The following THBS3 variants were observed in gnomAD, a reference collection of about 807,000 sequenced individuals.
THBS3 encodes thrombospondin 3.
THBS3 carries 78 observed loss-of-function variants against 118.3 expected under a neutral mutation model. The observed-to-expected ratio is 0.66, with a 90% confidence interval of 0.55 to 0.80. The LOEUF is 0.80. Among genes scored for constraint, THBS3 ranks in the 30% least tolerant of loss-of-function variants. The probability of loss-of-function intolerance (pLI) is 0.00; values close to 1 mark genes in which losing one functional copy is unlikely to be tolerated. For synonymous variants in THBS3, 427 were observed against 475.3 expected (o/e 0.90, Z 1.32); for missense variants, 1,057 against 1,247.4 (o/e 0.85, Z 2.30).
intron 16 of THBS3, 38 bp from the exon 17 acceptor site, chr1:155,198,640 G>C: frequency 6.3e-7 from 1 of 1,596,372 alleles, no homozygotes; most frequent in Non-Finnish European, 8.6e-7. Flanking sequence ...AGGATTTAAA[G>C]GTACTCCTTG....
At position 155,197,838 on chromosome 1, in the gene THBS3, T is replaced by C; in HGVS notation, c.2302+42A>G. 6.2e-7 allele frequency: 1 copy of C among 1,613,584 alleles called. No homozygotes were observed. Among genetic ancestry groups the C allele is most frequent in the Non-Finnish European group, 8.5e-7 (1 of 1,179,630 alleles). On this transcript the variant is annotated intron_variant, in intron 19 of 22. Transcript: ENST00000368378. The surrounding 1 kb of genome is among the most constrained non-coding windows in gnomAD (Gnocchi z 5.0). ...CCCCTACCCTCTGCCCCTATAGGAT[T>C]CCTCCATTTGGAAGTGATTGAACTG...
Position 155,201,489 on chromosome 1 carries a change from G to A in THBS3, c.1257C>T (p.His419=). 6.2e-7 allele frequency: 1 copy of A among 1,613,680 alleles called. No homozygotes were observed. Among genetic ancestry groups the A allele is most frequent in the African/African-American group, 1.3e-5 (1 of 75,068 alleles). The stretch of plus-strand genomic sequence containing the variant: ...TGTGGCAGGGGCTGTGGGCTGGGCT[G>A]TGGCAGGTCCGGGCTGGGAGGCAGC... ...SQGCLPARTC[H]SPAHSPCHIH... Residue 419 remains histidine, a synonymous_variant, in exon 11 of 23, where the codon CAC becomes CAT. Transcript: ENST00000368378.
rs1019100614 is a variant in THBS3 at position 155,198,694 on chromosome 1, C to T, written c.1881-92G>A. 2.0e-4 allele frequency: 264 copies of T among 1,333,608 alleles called. 1 individual carries two copies. Among genetic ancestry groups the T allele is most frequent in the Non-Finnish European group, 1.6e-4 (156 of 959,820 alleles). The allele number at this position is 1,333,608 out of a possible 1,614,324, so 82.6% of individuals were successfully genotyped here. A position where few individuals can be genotyped will look rare whatever the true frequency, so the allele number is the denominator to read the frequency against. ...CCTGGGAGTCTCTGGAGCCTGCTCT[C>T]CATACAATCAGACCCCTGGCAGTCA... On this transcript the variant is annotated intron_variant, in intron 16 of 22. Transcript: ENST00000368378.
At chr1:155,196,661 G>A (rs191826338) in intron 21 of THBS3, among the ~76,000 whole-genome samples, 83 of 152,316 alleles carry the variant, frequency 5.4e-4, no homozygotes, top group African/African-American at 1.9e-3. Flanking sequence ...TGAAGTCAGG[G>A]CCTTGATTTT....
Position 155,196,160 on chromosome 1 carries a change from G to GT in THBS3, c.2673-35dup, listed in dbSNP as rs780238884. ...GATTCCAGGATAGGAGTATCCATTG[G>GT]TGCTAGGGTGCCAGTGGGCACTGTG... On this transcript the variant is annotated intron_variant, in intron 21 of 22. Transcript: ENST00000368378. 164 of 1,611,500 alleles carry GT rather than the reference G, an allele frequency of 1.0e-4. 1 individual carries two copies. Among genetic ancestry groups the GT allele is most frequent in the Non-Finnish European group, 1.3e-4 (158 of 1,178,956 alleles).
At chr1:155,201,768 G>A in intron 10 of THBS3, 189 bp downstream of exon 10, 1 of 1,024,104 alleles carries the variant, frequency 9.8e-7, no homozygotes, top group South Asian at 1.6e-5. Context: ...GCTCAGAAAA[G>A]TTAAATAACC....
Position 155,202,784 on chromosome 1 carries a change from T to C in THBS3, c.957+28A>G, listed in dbSNP as rs762514436. 1.3e-6 allele frequency: 2 copies of C among 1,590,580 alleles called. No homozygotes were observed. Among genetic ancestry groups the C allele is most frequent in the South Asian group, 2.3e-5 (2 of 88,198 alleles). ...CTGACATCCTCACCCCAGTTTTCTG[T>C]ACCCTTCTGGGCTCTGACCTCCCTC... is the stretch of plus-strand genomic sequence containing the variant. On this transcript the variant is annotated intron_variant, in intron 8 of 22. Coordinates refer to ENST00000368378, the MANE Select transcript of THBS3 (RefSeq NM_007112.5). The surrounding 1 kb of genome is among the most constrained non-coding windows in gnomAD (Gnocchi z 5.5).
intron 2 of THBS3, 67 bp from the exon 3 acceptor site, chr1:155,205,383 T>C: frequency 6.3e-7 from 1 of 1,577,660 alleles, no homozygotes; most frequent in Non-Finnish European, 8.6e-7. Flanking sequence ...GAGCCTTGGA[T>C]CAACTCTGCT....
chr1:155,196,355 C>T, intron 21 of THBS3: 1 of 567,910 alleles, frequency 1.8e-6, no homozygotes, highest in Non-Finnish European at 3.1e-6. Context: ...AAAGCACCAG[C>T]CGCATTCCAA....
At position 155,200,448 on chromosome 1, in the gene THBS3, C is replaced by T; in HGVS notation, c.1708+3G>A. On this transcript the variant is annotated splice_donor_region_variant and intron_variant, in intron 14 of 22. Transcript: ENST00000368378. ...AGCCACCCCTTCAGCCCCAGGCCTGCACCATCCCCATCCACGTCGTTGTCA... is the reference window on the plus strand; with the variant it reads ...AGCCACCCCTTCAGCCCCAGGCCTGTACCATCCCCATCCACGTCGTTGTCA... The T allele has an allele frequency of 6.2e-7, 1 of 1,613,878 alleles. No individual in the cohort carries two copies. Among genetic ancestry groups the T allele is most frequent in the African/African-American group, 1.3e-5 (1 of 75,044 alleles).
chr1:155,207,948 G>A, upstream of THBS3: 1 of 1,374,042 alleles, frequency 7.3e-7, no homozygotes, highest in South Asian at 1.2e-5. Context: ...GAGAGAGCAG[G>A]AGCCGGGGGG....
At chr1:155,199,746 C>G in intron 16 of THBS3, 58 bp downstream of exon 16, 1 of 1,594,706 alleles carries the variant, frequency 6.3e-7, no homozygotes. Context: ...CAGAGCAAGA[C>G]TCCGTCTCAG....
intron 12 of THBS3, 41 bp from the exon 13 acceptor site, chr1:155,201,045 C>A: frequency 6.2e-7 from 1 of 1,614,196 alleles, no homozygotes; most frequent in South Asian, 1.1e-5. Flanking sequence ...TCTGGCCTGA[C>A]CCAGCTTGGG....
chr1:155,198,701 A>G (rs556916862), intron 16 of THBS3, 99 bp from the exon 17 acceptor site: 320 of 1,228,262 alleles, frequency 2.6e-4, no homozygotes, highest in South Asian at 3.8e-4. Context: ...TCTCCATACA[A>G]TCAGACCCCT....
Position 155,206,376 on chromosome 1 carries a change from C to G in THBS3, c.110G>C (p.Arg37Pro). The change falls in exon 2 of 23, where the codon CGG (arginine) becomes CCG (proline). Residue 37 changes from arginine (R) to proline (P), a missense_variant. Transcript: ENST00000368378. The surrounding 1 kb of genome is among the most constrained non-coding windows in gnomAD (Gnocchi z 4.2). ...CTTCTCTGCCACAGCTACCATCTGC[C>G]GAGACTCGCCCACAGTCAGCAGGTC... ...VIDLLTVGESRQMVAVAEKIR... is the reference protein window; with the variant it reads ...VIDLLTVGESPQMVAVAEKIR... 1.2e-6 allele frequency: 2 copies of G among 1,614,108 alleles called. No individual in the cohort carries two copies. Among genetic ancestry groups the G allele is most frequent in the Non-Finnish European group, 1.7e-6 (2 of 1,180,022 alleles).
rs41264917 is a variant in THBS3 at position 155,202,020 on chromosome 1, G to A, written c.1113C>T (p.Ile371=). The part of the protein sequence containing the change: ...ARASKQVCND[I]DECNDGNNGG... ...CATTGTTGCCATCGTTGCATTCATCGATGTCATTGCAGACCTGAAGGGGCA... is the reference window on the plus strand; with the variant it reads ...CATTGTTGCCATCGTTGCATTCATCAATGTCATTGCAGACCTGAAGGGGCA... The change falls in exon 10 of 23, where the codon ATC becomes ATT. Residue 371 remains isoleucine, a synonymous_variant. Transcript: ENST00000368378. The surrounding 1 kb of genome is among the most constrained non-coding windows in gnomAD (Gnocchi z 5.5). 0.024 allele frequency: 38,173 copies of A among 1,614,082 alleles called. 636 individuals are homozygous for A. The highest frequency in any genetic ancestry group is 0.027 in the Non-Finnish European group (31,583 of 1,180,014).
chr1:155,208,713 C>A, upstream of THBS3: 1 of 701,944 alleles, frequency 1.4e-6, no homozygotes, highest in Non-Finnish European at 2.1e-6. Flanking sequence ...CCCAGCCCGG[C>A]CTCCGCTCCG....
Position 155,200,312 on chromosome 1 carries a change from G to A in THBS3, c.1708+139C>T. 4 of 1,135,492 alleles carry A rather than the reference G, an allele frequency of 3.5e-6. No homozygotes were observed. The South Asian group carries it at 5.8e-5, about 17-fold the overall frequency. The allele number at this position is 1,135,492 out of a possible 1,614,324, so 70.3% of individuals were successfully genotyped here. On this transcript the variant is annotated intron_variant, in intron 14 of 22. Coordinates refer to ENST00000368378, the MANE Select transcript of THBS3 (RefSeq NM_007112.5). ...ACATTCCTATTGACATCTGCTGCAG[G>A]TAATCTCTCCTCACCCAGGCCAACG...
chr1:155,196,898 G>T (rs926835801), intron 21 of THBS3, 143 bp downstream of exon 21: 14 of 751,484 alleles, frequency 1.9e-5, no homozygotes, highest in Non-Finnish European at 3.0e-5. Flanking sequence ...ATCACTCATA[G>T]GTGCTTGTGT....
Sources: gnomAD v4.1 joint callset for allele counts (sites outside exome capture counted in the v4.1 genomes callset) on GRCh38, gnomAD v4.1.1 for gene constraint, Gnocchi (gnomAD v3.1) non-coding constraint, MANE v1.5 for transcripts, NCBI Gene and HGNC (gene_info 2026-07-23, HGNC 2026-07-21) for gene names.